CERS5: variants seen among roughly 807,000 people sequenced by gnomAD.
CERS5 encodes ceramide synthase 5.
Under a neutral mutation model 58.9 loss-of-function variants are expected in CERS5, and 37 were observed. That is an observed-to-expected ratio of 0.63 (90% confidence interval 0.48 to 0.83). CERS5 has a LOEUF of 0.83. CERS5 is among the 40% of genes least tolerant of loss of function. The probability of loss-of-function intolerance (pLI) is 0.00; values close to 1 mark genes in which losing one functional copy is unlikely to be tolerated. For missense variants in CERS5, 398 were observed against 489.3 expected, an observed-to-expected ratio of 0.81 and a Z score of 1.76; for synonymous variants, 147 against 177.8, an observed-to-expected ratio of 0.83 and a Z score of 1.38.
In CERS5 at chr12:50,148,946, A is replaced by ATATATATATATATG. The variant is rs1420401358; in HGVS notation, c.198-4890_198-4889insCATATATATATATA. On this transcript the variant is annotated intron_variant, in intron 1 of 9. Coordinates refer to ENST00000317551, the MANE Select transcript of CERS5 (RefSeq NM_147190.5). ...AAAAAAAATATATATATATATATAT[A>ATATATATATATATG]TGTGTGTGTGTGTGTGTGTGTGTGC... 2.2e-4 allele frequency among the ~76,000 whole-genome samples: 23 copies of ATATATATATATATG among 103,058 alleles called. 1 individual carries two copies. The highest frequency in any genetic ancestry group is 5.7e-4 in the East Asian group (2 of 3,516). 67.6% of individuals were successfully genotyped at this position (103,058 alleles called of 152,430 possible).
At chr12:50,131,514 G>A (rs1423184722) in intron 9 of CERS5, among the ~76,000 whole-genome samples, 6 of 142,728 alleles carry the variant, frequency 4.2e-5, no homozygotes, top group African/African-American at 7.9e-5. Flanking sequence ...AGCTGAGATC[G>A]TGCCACTGCA....
intron 9 of CERS5, chr12:50,133,591 T>C (rs1483029068): frequency 1.0e-6 from 1 of 985,228 alleles, no homozygotes; most frequent in Admixed American, 6.1e-5. Flanking sequence ...GCATATGATT[T>C]CCTTTGAAAA....
chr12:50,136,627 G>C (rs746086829), intron 6 of CERS5, among the ~76,000 whole-genome samples: 1 of 152,186 alleles, frequency 6.6e-6, no homozygotes, highest in East Asian at 1.9e-4. Flanking sequence ...TGCAGAATAC[G>C]TATAGCATGG....
chr12:50,141,554 G>A (rs1280163741), intron 4 of CERS5, among the ~76,000 whole-genome samples: 1 of 152,128 alleles, frequency 6.6e-6, no homozygotes, highest in Non-Finnish European at 1.5e-5. Flanking sequence ...TAAAGTTACT[G>A]AAGTCAGGCC....
At chr12:50,154,351 CA>C in intron 1 of CERS5, 1 of 161,146 alleles carries the variant, frequency 6.2e-6, no homozygotes, top group South Asian at 1.4e-4. Flanking sequence ...CGTCTCAAAA[CA>C]AGACAAAACA....
In CERS5 at chr12:50,135,508, T is replaced by C. The variant is rs1418482003; in HGVS notation, c.872+224A>G. On this transcript the variant is annotated intron_variant, in intron 8 of 9. Transcript: ENST00000317551. ...CCAACCAAGCCGGGTACTCTGAGTC[T>C]GGATCCGACCTTGCTAGAAATACGG... The C allele has an allele frequency of 4.3e-6, 3 of 694,556 alleles. No homozygotes were observed. The South Asian group carries it at 4.5e-5, about 10-fold the overall frequency. The allele number at this position is 694,556 out of a possible 1,614,324, so 43.0% of individuals were successfully genotyped here. A position where few individuals can be genotyped will look rare whatever the true frequency, so the allele number is the denominator to read the frequency against.
At chr12:50,142,678 A>G (rs527422840) in intron 3 of CERS5, among the ~76,000 whole-genome samples, 1 of 152,300 alleles carries the variant, frequency 6.6e-6, no homozygotes, top group East Asian at 1.9e-4. Context: ...CAGGATAATG[A>G]GAAAAAGCTC....
Position 50,144,050 on chromosome 12 carries a change from C to T in CERS5, c.205G>A (p.Ala69Thr). The T allele has an allele frequency of 6.2e-7, 1 of 1,603,738 alleles. No homozygotes were observed. Among genetic ancestry groups the T allele is most frequent in the Non-Finnish European group, 8.5e-7 (1 of 1,170,874 alleles). Residue 69 changes from alanine to threonine, a missense_variant, in exon 2 of 10, where the codon GCC (alanine) becomes ACC (threonine). This residue lies in a region of CERS5 where 328 missense variants were observed against 384.5 expected (regional missense o/e 0.85). Coordinates refer to ENST00000317551, the MANE Select transcript of CERS5 (RefSeq NM_147190.5). ...FVRLLFERFIAKPCALCIGIE... is the reference protein window; with the variant it reads ...FVRLLFERFITKPCALCIGIE... ...CCAATACAGAGTGCACAGGGTTTGG[C>T]AATAAATCTGTAATGGAGAAAACCC...
intron 5 of CERS5, 80 bp downstream of exon 5, chr12:50,138,487 C>T (rs1951804890): frequency 8.8e-7 from 1 of 1,142,500 alleles, no homozygotes; most frequent in East Asian, 2.4e-5. Flanking sequence ...ACCATCTGTC[C>T]TGGGGACTGG....
chr12:50,156,612 A>G (rs1938687237), intron 1 of CERS5, among the ~76,000 whole-genome samples: 2 of 151,776 alleles, frequency 1.3e-5, no homozygotes, highest in African/African-American at 4.8e-5. Flanking sequence ...AAAATTTATC[A>G]GTATTAGTTT....
intron 8 of CERS5, 63 bp from the exon 9 acceptor site, chr12:50,134,765 G>A: frequency 6.8e-7 from 1 of 1,469,976 alleles, no homozygotes; most frequent in Non-Finnish European, 9.3e-7. Context: ...GGATGAAGCT[G>A]AGTCCTGGGG....
At chr12:50,166,979 G>T in intron 1 of CERS5, 122 bp downstream of exon 1, 1 of 822,826 alleles carries the variant, frequency 1.2e-6, no homozygotes, top group Non-Finnish European at 1.8e-6. Context: ...CGCGGCCCAA[G>T]CTCCCCCAGC....
intron 9 of CERS5, chr12:50,133,944 C>CAT (rs1951478366): frequency 1.8e-5 from 3 of 169,230 alleles, no homozygotes; most frequent in Non-Finnish European, 3.6e-5. Flanking sequence ...TGGTGGCATG[C>CAT]GCCTGTAATC....
intron 1 of CERS5, among the ~76,000 whole-genome samples, chr12:50,159,650 A>T (rs1282054832): frequency 6.6e-6 from 1 of 151,926 alleles, no homozygotes; most frequent in Non-Finnish European, 1.5e-5. Context: ...CTGGAGTGCA[A>T]TGGTGCGATC....
At chr12:50,132,474 G>A (rs1951381351) in intron 9 of CERS5, among the ~76,000 whole-genome samples, 1 of 152,134 alleles carries the variant, frequency 6.6e-6, no homozygotes, top group African/African-American at 2.4e-5. Context: ...GAAATCCAGT[G>A]AGACCTGTGT....
chr12:50,139,165 A>C (rs1951839050), intron 4 of CERS5, among the ~76,000 whole-genome samples: 1 of 152,146 alleles, frequency 6.6e-6, no homozygotes, highest in Admixed American at 6.5e-5. Flanking sequence ...CCTTTCAAAG[A>C]ATGAACTTTT....
rs1951220092 is a variant in CERS5, at chr12:50,129,916, G to A, written c.*629C>T. 1 of 152,204 alleles carries A rather than the reference G, an allele frequency of 6.6e-6. No homozygotes were observed. Among genetic ancestry groups the A allele is most frequent in the East Asian group, 1.9e-4 (1 of 5,186 alleles). The allele number at this position is 152,204 out of a possible 1,614,324, so 9.4% of individuals were successfully genotyped here. On this transcript the variant is annotated 3_prime_UTR_variant, in exon 10 of 10. Transcript: ENST00000317551. ...CCCTCTTCCCATGCTCCCTCCCTGG[G>A]TACCATTGAGTAAAGAGCAGGGTAT... is the stretch of plus-strand genomic sequence containing the variant.
chr12:50,143,900 C>A, intron 2 of CERS5, 52 bp downstream of exon 2: 2 of 1,116,756 alleles, frequency 1.8e-6, no homozygotes, highest in East Asian at 2.4e-5. Flanking sequence ...TCCCCTGCCC[C>A]ATGGAGCAAC....
chr12:50,138,409 A>AC (rs201255414), intron 5 of CERS5, among the ~76,000 whole-genome samples, 158 bp downstream of exon 5: 1,610 of 151,550 alleles, frequency 0.011, 28 homozygotes, highest in African/African-American at 0.037. Context: ...GGGGGGGAAA[A>AC]AAAAATAGAT....
Sources: gnomAD v4.1 joint callset for allele counts (sites outside exome capture counted in the v4.1 genomes callset) on GRCh38, gnomAD v4.1.1 for gene constraint, gnomAD v4.1.1 regional missense constraint, MANE v1.5 for transcripts, NCBI Gene and HGNC (gene_info 2026-07-23, HGNC 2026-07-21) for gene names.